GRIP1: variants seen among roughly 807,000 people sequenced by gnomAD.
GRIP1 encodes glutamate receptor-interacting protein 1.
In GRIP1, 45 loss-of-function variants were observed where a neutral mutation model predicts 129.9. The observed-to-expected ratio is 0.35, with a 90% CI of 0.27 to 0.44. The LOEUF (loss-of-function observed/expected upper bound fraction) is 0.44. Among genes scored for constraint, GRIP1 ranks in the 20% least tolerant of loss-of-function variants. The pLI is 1.00. For missense variants in GRIP1, 1,196 were observed against 1,396.8 expected, an observed-to-expected ratio of 0.86 and a Z score of 2.29; for synonymous variants, 530 against 520.8, an observed-to-expected ratio of 1.02 and a Z score of -0.24.
chr12:66,721,123 T>A (rs1328413903), intron 1 of GRIP1, among the ~76,000 whole-genome samples: 1 of 152,186 alleles, frequency 6.6e-6, no homozygotes, highest in African/African-American at 2.4e-5. Context: ...TTCATCTCCT[T>A]GTATATTTCC....
In GRIP1 at chr12:66,486,267, T is replaced by TTATA. The variant is rs59135643; in HGVS notation, c.725-20849_725-20846dup. 6.8e-3 allele frequency among the ~76,000 whole-genome samples: 1,014 copies of TTATA among 150,146 alleles called. 17 individuals are homozygous for TTATA. The highest frequency in any genetic ancestry group is 0.022 in the African/African-American group (911 of 41,024). On this transcript the variant is annotated intron_variant, in intron 7 of 24. Transcript: ENST00000359742. Reference sequence around the variant, plus strand: ...ATTAAATTTGATAGACTGACATGGTTTATATATATATATATATTTAAAAAT... The same window carrying TTATA: ...ATTAAATTTGATAGACTGACATGGTTTATATATATATATATATATATTTAAAAAT...
At chr12:67,067,710 A>G (rs1418250302) in intron 1 of GRIP1, among the ~76,000 whole-genome samples, 2 of 152,192 alleles carry the variant, frequency 1.3e-5, no homozygotes, top group Non-Finnish European at 2.9e-5. Context: ...GAAATTGTAC[A>G]TTGGTTCTTC....
intron 1 of GRIP1, among the ~76,000 whole-genome samples, chr12:67,059,752 T>C (rs1168093661): frequency 6.6e-6 from 1 of 152,218 alleles, no homozygotes; most frequent in East Asian, 1.9e-4. Context: ...CCCATCCTTC[T>C]GAACCATTAT....
chr12:66,559,371 A>G, intron 2 of GRIP1, among the ~76,000 whole-genome samples: 1 of 152,150 alleles, frequency 6.6e-6, no homozygotes, highest in Non-Finnish European at 1.5e-5. Flanking sequence ...AGGCATCCAA[A>G]TCGGAAAGGA....
chr12:66,524,898 A>T (rs2061166554), intron 5 of GRIP1, among the ~76,000 whole-genome samples: 1 of 152,344 alleles, frequency 6.6e-6, no homozygotes, highest in Middle Eastern at 3.4e-3. Context: ...AATACTACAA[A>T]TACCTCTACG....
intron 1 of GRIP1, among the ~76,000 whole-genome samples, chr12:66,887,584 C>T (rs575711157): frequency 2.0e-5 from 3 of 152,274 alleles, no homozygotes; most frequent in Admixed American, 6.5e-5. Flanking sequence ...AGAATATTTA[C>T]AACAGATATT....
At chr12:66,771,918 G>A (rs1391318342) in intron 1 of GRIP1, among the ~76,000 whole-genome samples, 2 of 152,130 alleles carry the variant, frequency 1.3e-5, no homozygotes, top group African/African-American at 4.8e-5. Flanking sequence ...ATTAAAACAG[G>A]ATCTGCACAT....
chr12:66,866,448 G>A (rs1208478820), intron 1 of GRIP1, among the ~76,000 whole-genome samples: 2 of 152,156 alleles, frequency 1.3e-5, no homozygotes, highest in Non-Finnish European at 2.9e-5. Flanking sequence ...ACTCCAGGGT[G>A]GGTGAGAGGG....
chr12:66,807,537 G>A (rs561861404), upstream of GRIP1, among the ~76,000 whole-genome samples: 148 of 152,244 alleles, frequency 9.7e-4, no homozygotes, highest in African/African-American at 3.3e-3. Context: ...AGCCAGGCAT[G>A]GTGGCGGGCG....
intron 1 of GRIP1, among the ~76,000 whole-genome samples, chr12:66,887,091 T>C (rs1254440206): frequency 3.3e-5 from 5 of 152,236 alleles, no homozygotes; most frequent in African/African-American, 9.6e-5. Context: ...CTGTGGTGCA[T>C]GAACCACTTG....
At chr12:66,809,662 C>CTT (rs774288663) in intron 1 of GRIP1, among the ~76,000 whole-genome samples, 1,623 of 141,950 alleles carry the variant, frequency 0.011, 21 homozygotes, top group Non-Finnish European at 0.016. Flanking sequence ...CACAAAATGT[C>CTT]TTTTTTTTTT....
chr12:66,411,122 C>G (rs751862275), intron 15 of GRIP1, among the ~76,000 whole-genome samples: 1 of 152,150 alleles, frequency 6.6e-6, no homozygotes, highest in Non-Finnish European at 1.5e-5. Flanking sequence ...CCCCAAATCA[C>G]AGTGCACCTG....
chr12:66,462,348 A>ACC lies in GRIP1; in HGVS notation c.1042+575_1042+576insGG, dbSNP rs547287664. 7.2e-5 allele frequency among the ~76,000 whole-genome samples: 11 copies of ACC among 152,310 alleles called. No homozygotes were observed. The South Asian group carries it at 2.1e-3, about 29-fold the overall frequency. ...CTTTACTTATTTATTTTTAAGTGAG[A>ACC]GCTTTACTATTTGCCTTCATTGGCC... is the stretch of plus-strand genomic sequence containing the variant. On this transcript the variant is annotated intron_variant, in intron 9 of 24. Transcript: ENST00000359742.
chr12:66,416,457 A>G (rs1316181250), intron 15 of GRIP1, among the ~76,000 whole-genome samples: 1 of 152,178 alleles, frequency 6.6e-6, no homozygotes, highest in East Asian at 1.9e-4. Context: ...TGCAAAGATC[A>G]ATGAAACAAA....
Position 66,902,338 on chromosome 12 carries a change from C to CA in GRIP1, c.58+166711dup, listed in dbSNP as rs1308814672. The stretch of plus-strand genomic sequence containing the variant: ...ATGAGAATGCCAATCATATCACCAA[C>CA]ATGGATTAAAAACTTTTGTTCCTTT... On this transcript the variant is annotated intron_variant, in intron 1 of 1. Transcript: ENST00000643019. Among the ~76,000 whole-genome samples, 3 of 152,260 alleles carry CA rather than the reference C, an allele frequency of 2.0e-5. No homozygotes were observed. The East Asian group carries it at 5.8e-4, about 29-fold the overall frequency.
At chr12:66,847,273 A>G (rs1292129288) in intron 1 of GRIP1, among the ~76,000 whole-genome samples, 2 of 152,182 alleles carry the variant, frequency 1.3e-5, no homozygotes, top group African/African-American at 4.8e-5. Context: ...TCTTAAATAC[A>G]ACATTTTTTA....
intron 1 of GRIP1, among the ~76,000 whole-genome samples, chr12:66,623,127 C>T (rs1465802366): frequency 6.6e-6 from 1 of 152,058 alleles, no homozygotes; most frequent in Non-Finnish European, 1.5e-5. Flanking sequence ...GACTAATAGC[C>T]TTGCCAAAAG....
At chr12:66,549,638 TCA>T (rs2062060627) in intron 2 of GRIP1, among the ~76,000 whole-genome samples, 1 of 152,136 alleles carries the variant, frequency 6.6e-6, no homozygotes, top group South Asian at 2.1e-4. Context: ...ATTTTCAGTC[TCA>T]GTTTTTGCCA....
chr12:66,666,982 T>C (rs1037485766), intron 1 of GRIP1, among the ~76,000 whole-genome samples: 1 of 152,126 alleles, frequency 6.6e-6, no homozygotes, highest in African/African-American at 2.4e-5. Flanking sequence ...TCTTAGGATC[T>C]TCTCATTTTC....
Sources: allele counts gnomAD v4.1 joint callset (sites outside exome capture counted in the v4.1 genomes callset), GRCh38; gene constraint gnomAD v4.1.1; transcripts MANE v1.5; gene names NCBI Gene and HGNC (gene_info 2026-07-23, HGNC 2026-07-21).